The following SYNPR variants were observed in gnomAD, a reference collection of about 807,000 sequenced individuals.
SYNPR encodes the protein synaptoporin.
A neutral mutation model predicts 32.9 loss-of-function variants in SYNPR; 23 were observed. The ratio of observed to expected loss-of-function variants is 0.70; its 90% CI spans 0.50 to 0.99. The LOEUF (loss-of-function observed/expected upper bound fraction) is 0.99, where lower values mean the gene tolerates loss of function less well. Ranked by LOEUF, SYNPR falls within the 50% of genes least tolerant of loss-of-function variation. The pLI is 0.00. For missense variants in SYNPR, 318 were observed against 349.3 expected (o/e 0.91, Z 0.71); for synonymous variants, 146 against 135.9 (o/e 1.07, Z -0.52).
intron 3 of SYNPR, among the ~76,000 whole-genome samples, chr3:63,514,476 A>G (rs757577506): frequency 2.6e-5 from 4 of 152,180 alleles, no homozygotes; most frequent in Non-Finnish European, 5.9e-5. Context: ...GCTCTTCAGC[A>G]GTTGGCTCCC....
intron 3 of SYNPR, among the ~76,000 whole-genome samples, chr3:63,543,911 CT>C (rs1467800886): frequency 6.6e-6 from 1 of 151,940 alleles, no homozygotes; most frequent in African/African-American, 2.4e-5. Context: ...ATCCAAAGAC[CT>C]TGGGAATAAG....
At chr3:63,210,408 T>G in the SYNPR span, among the ~76,000 whole-genome samples, 12 of 152,252 alleles carry the variant, frequency 7.9e-5, no homozygotes, top group Non-Finnish European at 1.6e-4. Flanking sequence ...TGAAATAGAT[T>G]GTGGACAAAA....
intron 1 of SYNPR, among the ~76,000 whole-genome samples, chr3:63,245,770 A>T (rs1251707111): frequency 6.8e-6 from 1 of 146,554 alleles, no homozygotes; most frequent in Non-Finnish European, 1.5e-5. Context: ...TGTGTGTGGT[A>T]TATTTTATAA....
rs116942952 is a variant in SYNPR, at chr3:63,610,395, A to G, written c.600+1079A>G. The G allele has an allele frequency of 3.9e-3, 2,410 of 618,348 alleles. 80 individuals carry two copies. In the East Asian group the frequency reaches 0.059, roughly 15 times the overall value. The allele number at this position is 618,348 out of a possible 1,614,324, so 38.3% of individuals were successfully genotyped here. ...GTTATCGAAGAATAGAAGGCTCAGC[A>G]GTGTTTGCTGAAAGAACATTCTTTA... On this transcript the variant is annotated intron_variant, in intron 5 of 5. Coordinates refer to ENST00000478300, the MANE Select transcript of SYNPR (RefSeq NM_001130003.2).
intron 3 of SYNPR, among the ~76,000 whole-genome samples, chr3:63,531,292 A>G (rs1702108880): frequency 6.6e-6 from 1 of 152,132 alleles, no homozygotes; most frequent in Non-Finnish European, 1.5e-5. Flanking sequence ...ACAAGTCTGA[A>G]ATCAAGGTAA....
intron 4 of SYNPR, among the ~76,000 whole-genome samples, chr3:63,568,639 T>C (rs1241563677): frequency 4.6e-5 from 7 of 152,158 alleles, no homozygotes; most frequent in Non-Finnish European, 1.0e-4. Flanking sequence ...TGGGCCTAGT[T>C]GATAGTGACC....
chr3:63,549,275 G>A (rs1045536856), intron 3 of SYNPR, among the ~76,000 whole-genome samples: 3 of 152,182 alleles, frequency 2.0e-5, no homozygotes, highest in Admixed American at 2.0e-4. Flanking sequence ...ATCCTATTCA[G>A]TACAGACTAT....
intron 2 of SYNPR, among the ~76,000 whole-genome samples, chr3:63,256,245 A>G (rs1026839464): frequency 6.6e-6 from 1 of 152,200 alleles, no homozygotes. Flanking sequence ...ACGCAGCTGG[A>G]GATATCAGAA....
At chr3:63,528,319 G>A (rs143881120) in intron 3 of SYNPR, among the ~76,000 whole-genome samples, 10 of 152,310 alleles carry the variant, frequency 6.6e-5, no homozygotes, top group African/African-American at 2.2e-4. Flanking sequence ...CTGAGGTCAT[G>A]TCCAAGCTTT....
intron 4 of SYNPR, among the ~76,000 whole-genome samples, chr3:63,559,098 C>G (rs1702640878): frequency 7.6e-6 from 1 of 131,866 alleles, no homozygotes; most frequent in African/African-American, 2.9e-5. Context: ...GAGACAGGAT[C>G]TTACTGTCAC....
chr3:63,356,198 C>T (rs2087575776), intron 2 of SYNPR, among the ~76,000 whole-genome samples: 1 of 152,184 alleles, frequency 6.6e-6, no homozygotes. Flanking sequence ...GCATGAAGGC[C>T]ATGTTCGCTG....
chr3:63,583,284 T>C (rs561653148), intron 4 of SYNPR, among the ~76,000 whole-genome samples: 9 of 152,196 alleles, frequency 5.9e-5, no homozygotes, highest in Non-Finnish European at 1.3e-4. Context: ...GTTTTTCAGC[T>C]GCTCCAGACT....
chr3:63,557,578 G>A (rs949553), intron 4 of SYNPR, among the ~76,000 whole-genome samples: 41,659 of 151,996 alleles, frequency 0.27, 6,079 homozygotes, highest in South Asian at 0.4. Flanking sequence ...TACTTTTTTG[G>A]ATATAAGGAG....
At chr3:63,309,891 G>T (rs2013976) in intron 2 of SYNPR, among the ~76,000 whole-genome samples, 1 of 152,052 alleles carries the variant, frequency 6.6e-6, no homozygotes, top group African/African-American at 2.4e-5. Flanking sequence ...TATGCATTGT[G>T]TGTATAACAC....
At chr3:63,383,704 T>C (rs1040314541) in intron 2 of SYNPR, among the ~76,000 whole-genome samples, 1 of 152,178 alleles carries the variant, frequency 6.6e-6, no homozygotes, top group African/African-American at 2.4e-5. Context: ...TCCTATTGTA[T>C]GAAGCTAAGA....
intron 2 of SYNPR, among the ~76,000 whole-genome samples, chr3:63,415,413 A>T (rs1255711968): frequency 7.5e-6 from 1 of 133,452 alleles, no homozygotes; most frequent in African/African-American, 2.6e-5. Flanking sequence ...TCAGAGAATT[A>T]AGAATTTTTT....
chr3:63,310,523 G>A (rs2086953742), intron 2 of SYNPR, among the ~76,000 whole-genome samples: 1 of 151,922 alleles, frequency 6.6e-6, no homozygotes, highest in African/African-American at 2.4e-5. Context: ...TTTCACCTGT[G>A]TAGCTTCCTA....
chr3:63,253,224 T>A (rs1010411352), intron 2 of SYNPR, among the ~76,000 whole-genome samples: 1 of 151,968 alleles, frequency 6.6e-6, no homozygotes, highest in Admixed American at 6.6e-5. Flanking sequence ...CTAAAGGCCA[T>A]TTAGAGTCAA....
At chr3:63,433,779 T>C (rs1700033355) in intron 2 of SYNPR, among the ~76,000 whole-genome samples, 1 of 152,124 alleles carries the variant, frequency 6.6e-6, no homozygotes, top group Admixed American at 6.5e-5. Flanking sequence ...AATAAAATTG[T>C]AGAAATTTTG....
Sources: gnomAD v4.1 joint callset for allele counts (sites outside exome capture counted in the v4.1 genomes callset) on GRCh38, gnomAD v4.1.1 for gene constraint, MANE v1.5 for transcripts, NCBI Gene and HGNC (gene_info 2026-07-23, HGNC 2026-07-21) for gene names.